The following CGGBP1 variants were observed in gnomAD, a reference collection of about 807,000 sequenced individuals.
The protein encoded by CGGBP1 is CGG triplet repeat binding protein 1, also known as CGG triplet repeat-binding protein 1.
CGGBP1 carries 4 observed loss-of-function variants against 11.4 expected under a neutral mutation model. The observed-to-expected ratio is 0.35, with a 90% CI of 0.17 to 0.80. CGGBP1 has a LOEUF of 0.80. Ranked by LOEUF, CGGBP1 falls within the 30% of genes least tolerant of loss-of-function variation. The pLI is 0.52. For missense variants in CGGBP1, 135 were observed against 202.1 expected (o/e 0.67, Z 2.01); for synonymous variants, 76 against 74.1 (o/e 1.03, Z -0.13).
Position 88,112,139 on chromosome 3 carries a change from C to T in CGGBP1, c.-229+28831G>A, listed in dbSNP as rs79621941. ...TTTGTAGTAGTCAAATTTATAAAAA[C>T]GTCAGGTTATGGAGTATGGTGATTG... On this transcript the variant is annotated intron_variant, in intron 2 of 3. Coordinates refer to the CGGBP1 transcript ENST00000462901. 8.8e-4 allele frequency among the ~76,000 whole-genome samples: 134 copies of T among 151,794 alleles called. 2 individuals are homozygous for T. In the East Asian group the frequency reaches 0.023, roughly 26 times the overall value.
rs113846832 is a variant in CGGBP1, at chr3:88,118,136, T to A, written c.-229+22834A>T. ...TGCAAGTGGTTTAATGAGCCTGCCCTGACGTTAGAGAAAAGTCTATCCTTA... is the reference window on the plus strand; with the variant it reads ...TGCAAGTGGTTTAATGAGCCTGCCCAGACGTTAGAGAAAAGTCTATCCTTA... On this transcript the variant is annotated intron_variant, in intron 2 of 3. Coordinates refer to the CGGBP1 transcript ENST00000462901. Among the ~76,000 whole-genome samples, 1,047 of 152,282 alleles carry A rather than the reference T, an allele frequency of 6.9e-3. 8 individuals are homozygous for A. The highest frequency in any genetic ancestry group is 0.02 in the Middle Eastern group (6 of 294).
Position 88,055,194 on chromosome 3 carries a change from A to G in CGGBP1, c.*279T>C. ...CAGGGCAGTTCTTCCATGCACAAAC[A>G]TTTCAGGAGAAAAACCATTAATTTT... On this transcript the variant is annotated 3_prime_UTR_variant, in exon 4 of 4. Coordinates refer to ENST00000482016, the MANE Select transcript of CGGBP1 (RefSeq NM_001008390.2). The surrounding 1 kb of genome is among the most constrained non-coding windows in gnomAD (Gnocchi z 4.2). 3.6e-6 allele frequency: 1 copy of G among 275,422 alleles called. No homozygotes were observed. The highest frequency in any genetic ancestry group is 6.8e-6 in the Non-Finnish European group (1 of 148,014). 17.1% of individuals were successfully genotyped at this position (275,422 alleles called of 1,614,324 possible).
At position 88,140,499 on chromosome 3, in the gene CGGBP1, G is replaced by A. The variant is rs773897741; in HGVS notation, c.-229+471C>T. The stretch of plus-strand genomic sequence containing the variant: ...AGACAGTTTAGTTCAGAATGGAAAC[G>A]AACGTTCTGATGACACTGTTTCAAA... On this transcript the variant is annotated intron_variant, in intron 2 of 3. Coordinates refer to the CGGBP1 transcript ENST00000462901. The A allele has an allele frequency of 7.1e-5, 115 of 1,613,558 alleles. No individual in the cohort carries two copies. The South Asian group carries it at 8.1e-4, about 11-fold the overall frequency.
At chr3:88,139,875 G>A in intron 2 of CGGBP1, 1 of 1,609,422 alleles carries the variant, frequency 6.2e-7, no homozygotes, top group Non-Finnish European at 8.5e-7. Flanking sequence ...CCATCCAAAA[G>A]ACATATATGC....
rs1170778077 is a variant in CGGBP1, at chr3:88,082,548, T to C, written c.-228-24325A>G. On this transcript the variant is annotated intron_variant, in intron 2 of 3. Coordinates refer to the CGGBP1 transcript ENST00000462901. ...TTGAGGTAATGAAAGTTGATGACAATGGGAGTCTTCAAGGAGGAAAGAATA... is the reference window on the plus strand; with the variant it reads ...TTGAGGTAATGAAAGTTGATGACAACGGGAGTCTTCAAGGAGGAAAGAATA... Among the ~76,000 whole-genome samples the C allele has an allele frequency of 2.0e-5, 3 of 152,182 alleles. No homozygotes were observed. The East Asian group carries it at 5.8e-4, about 29-fold the overall frequency.
chr3:88,147,492 TAAGG>T (rs1330987698), intron 1 of CGGBP1, among the ~76,000 whole-genome samples: 1 of 152,124 alleles, frequency 6.6e-6, no homozygotes, highest in African/African-American at 2.4e-5. Context: ...GACAGAATAA[TAAGG>T]AAGTCAGAGA....
At chr3:88,067,936 G>A (rs1205611134) in intron 2 of CGGBP1, among the ~76,000 whole-genome samples, 1 of 151,402 alleles carries the variant, frequency 6.6e-6, no homozygotes, top group African/African-American at 2.4e-5. Context: ...TTAAAATCTG[G>A]TGAGAATGAT....
At chr3:88,081,364 G>T (rs1708065482) in intron 2 of CGGBP1, among the ~76,000 whole-genome samples, 1 of 152,030 alleles carries the variant, frequency 6.6e-6, no homozygotes, top group African/African-American at 2.4e-5. Flanking sequence ...TAAATGTCTT[G>T]GGGGAGATAC....
upstream of CGGBP1, chr3:88,059,035 C>T (rs1036050417): frequency 6.5e-5 from 32 of 494,198 alleles, no homozygotes; most frequent in Admixed American, 1.1e-3. Context: ...CCCCAGCAAC[C>T]GCCGAGCAGC....
intron 2 of CGGBP1, among the ~76,000 whole-genome samples, chr3:88,080,661 C>CAA (rs1340838773): frequency 6.6e-6 from 1 of 152,052 alleles, no homozygotes; most frequent in Non-Finnish European, 1.5e-5. Context: ...TTCCATCTGA[C>CAA]TCTTAACCAT....
chr3:88,092,503 G>T (rs772477508), intron 2 of CGGBP1, among the ~76,000 whole-genome samples: 7 of 152,146 alleles, frequency 4.6e-5, no homozygotes, highest in Non-Finnish European at 7.4e-5. Context: ...GCTGTACTCT[G>T]AAGGAATGAC....
chr3:88,076,410 G>GAT (rs1042333900), intron 2 of CGGBP1, among the ~76,000 whole-genome samples: 5 of 151,850 alleles, frequency 3.3e-5, no homozygotes, highest in Admixed American at 2.6e-4. Context: ...AGTTACTTCT[G>GAT]ATATATATCT....
chr3:88,076,457 T>C (rs1171351948), intron 2 of CGGBP1, among the ~76,000 whole-genome samples: 1 of 152,224 alleles, frequency 6.6e-6, no homozygotes, highest in Non-Finnish European at 1.5e-5. Flanking sequence ...GTCTAGCCTC[T>C]AAGAGTGAAC....
chr3:88,059,211 A>T, upstream of CGGBP1: 2 of 1,471,770 alleles, frequency 1.4e-6, no homozygotes, highest in East Asian at 2.5e-5. Flanking sequence ...CTGTCCGGCT[A>T]GGGAGGAGGG....
rs1382379618 is a variant in CGGBP1 at position 88,055,480 on chromosome 3, T to A, written c.497A>T (p.Asp166Val). The change falls in exon 4 of 4, where the codon GAT becomes GTT. Residue 166 changes from aspartate (D) to valine (V), a missense_variant. By Grantham distance (152) the Asp-to-Val change is radical (BLOSUM62 -3). Coordinates refer to ENST00000482016, the MANE Select transcript of CGGBP1 (RefSeq NM_001008390.2). This position sits in a 1 kb window ranked among gnomAD's most constrained non-coding sequence, Gnocchi z 4.2. ...ENENQLLNSQ[D>V]C The stretch of plus-strand genomic sequence containing the variant: ...ATGGTGGTAACCTCCTAGTCAACAA[T>A]CTTGTGAGTTGAGGAGTTGATTCTC... 1 of 1,517,338 alleles carries A rather than the reference T, an allele frequency of 6.6e-7. No homozygotes were observed. The highest frequency in any genetic ancestry group is 8.8e-7 in the Non-Finnish European group (1 of 1,132,384). The allele number at this position is 1,517,338 out of a possible 1,614,324, so 94.0% of individuals were successfully genotyped here.
chr3:88,138,824 A>G (rs1333995742), intron 2 of CGGBP1: 43 of 1,231,950 alleles, frequency 3.5e-5, no homozygotes, highest in Non-Finnish European at 4.2e-5. Flanking sequence ...ATTTTTTGCC[A>G]AATGATTTGG....
At chr3:88,065,937 G>C (rs1052400545) in intron 2 of CGGBP1, among the ~76,000 whole-genome samples, 8 of 152,154 alleles carry the variant, frequency 5.3e-5, no homozygotes, top group African/African-American at 1.9e-4. Flanking sequence ...GTTTTACCAT[G>C]ATCTGCAGGC....
At chr3:88,142,917 C>T (rs1707200009) in intron 1 of CGGBP1, 2 of 152,254 alleles carry the variant, frequency 1.3e-5, no homozygotes, top group Admixed American at 1.3e-4. Context: ...TAAAAATACC[C>T]TCTCAGATGT....
At chr3:88,067,750 A>G (rs1707281188) in intron 2 of CGGBP1, among the ~76,000 whole-genome samples, 1 of 152,222 alleles carries the variant, frequency 6.6e-6, no homozygotes, top group Non-Finnish European at 1.5e-5. Flanking sequence ...TGATGGGATC[A>G]GTAGTCAGGT....
Sources: gnomAD v4.1 joint callset for allele counts (sites outside exome capture counted in the v4.1 genomes callset) on GRCh38, gnomAD v4.1.1 for gene constraint, Gnocchi (gnomAD v3.1) non-coding constraint, MANE v1.5 for transcripts, NCBI Gene and HGNC (gene_info 2026-07-23, HGNC 2026-07-21) for gene names.